Variants in AGAP1 observed in about 807,000 individuals in gnomAD.
AGAP1 encodes the protein ArfGAP with GTPase domain, ankyrin repeat and PH domain 1, also known as arf-GAP with GTPase, ANK repeat and PH domain-containing protein 1.
AGAP1 carries 29 observed loss-of-function variants against 105.3 expected under a neutral mutation model. That is an observed-to-expected ratio of 0.28 (90% confidence interval 0.21 to 0.38). The LOEUF (loss-of-function observed/expected upper bound fraction) is 0.38. Ranked by LOEUF, AGAP1 falls within the 10% of genes least tolerant of loss-of-function variation. The pLI is 1.00. For synonymous variants in AGAP1, 509 were observed against 485.9 expected, an observed-to-expected ratio of 1.05 and a Z score of -0.63; for missense variants, 998 against 1,165.1, an observed-to-expected ratio of 0.86 and a Z score of 2.09.
chr2:235,791,096 G>A (rs939808094), intron 6 of AGAP1, among the ~76,000 whole-genome samples: 2 of 152,216 alleles, frequency 1.3e-5, no homozygotes, highest in Admixed American at 6.5e-5. Context: ...ACACATTTAG[G>A]AGATGGGCTT....
intron 11 of AGAP1, among the ~76,000 whole-genome samples, chr2:235,911,490 G>A (rs1272404185): frequency 6.6e-6 from 1 of 152,248 alleles, no homozygotes; most frequent in African/African-American, 2.4e-5. Context: ...CGTTCACTAT[G>A]TAAAAGTAGG....
At position 236,014,726 on chromosome 2, in the gene AGAP1, TC is replaced by T; in HGVS notation, c.1646-21834del. ...CACGTGCTACTTTGACCTTTTTTTT[TC>T]TCCCCTTTTCATTTGTTTTCTTTTC... is the stretch of plus-strand genomic sequence containing the variant. On this transcript the variant is annotated intron_variant, in intron 13 of 17. Transcript: ENST00000304032. The surrounding 1 kb of genome is among the most constrained non-coding windows in gnomAD (Gnocchi z 6.3). 2.6e-6 allele frequency: 1 copy of T among 383,498 alleles called. No homozygotes were observed. The highest frequency in any genetic ancestry group is 5.3e-6 in the Non-Finnish European group (1 of 187,278). 23.8% of individuals were successfully genotyped at this position (383,498 alleles called of 1,614,324 possible).
rs1290039137 is a variant in AGAP1, at chr2:235,725,058, G to T, written c.310+7414G>T. On this transcript the variant is annotated intron_variant, in intron 3 of 17. Transcript: ENST00000304032. The surrounding 1 kb of genome is among the most constrained non-coding windows in gnomAD (Gnocchi z 5.7). ...CTGCACTGAGGCTGAAGGGTTCTGGGATTTTCCACTGTGTGTTTGGTTTCT... is the reference window on the plus strand; with the variant it reads ...CTGCACTGAGGCTGAAGGGTTCTGGTATTTTCCACTGTGTGTTTGGTTTCT... Among the ~76,000 whole-genome samples the T allele has an allele frequency of 1.3e-5, 2 of 152,150 alleles. No homozygotes were observed.
At chr2:236,018,527 TG>T (rs1250563419) in intron 13 of AGAP1, among the ~76,000 whole-genome samples, 13 of 152,338 alleles carry the variant, frequency 8.5e-5, no homozygotes, top group African/African-American at 3.1e-4. Flanking sequence ...CGCTGTGAGT[TG>T]GGTGAACACA....
rs1249824429 is a variant in AGAP1, at chr2:235,965,849, G to C, written c.1484-2613G>C. ...GGACAGAAGTGACGCAGTGGAGAGGGAGGAATGAGTGGAAGTGACCTGGCC... is the reference window on the plus strand; with the variant it reads ...GGACAGAAGTGACGCAGTGGAGAGGCAGGAATGAGTGGAAGTGACCTGGCC... On this transcript the variant is annotated intron_variant, in intron 12 of 17. Coordinates refer to ENST00000304032, the MANE Select transcript of AGAP1 (RefSeq NM_001037131.3). The surrounding 1 kb of genome is among the most constrained non-coding windows in gnomAD (Gnocchi z 5.8). Among the ~76,000 whole-genome samples the C allele has an allele frequency of 2.0e-5, 3 of 152,190 alleles. No homozygotes were observed. The highest frequency in any genetic ancestry group is 2.9e-5 in the Non-Finnish European group (2 of 68,030).
chr2:235,911,480 C>G (rs777125133), intron 11 of AGAP1, among the ~76,000 whole-genome samples: 1 of 152,216 alleles, frequency 6.6e-6, no homozygotes, highest in African/African-American at 2.4e-5. Flanking sequence ...TGTGAAGAAG[C>G]GTTCACTATG....
At chr2:235,907,100 C>G (rs912833937) in intron 10 of AGAP1, among the ~76,000 whole-genome samples, 2 of 152,202 alleles carry the variant, frequency 1.3e-5, no homozygotes, top group African/African-American at 4.8e-5. Context: ...GCTACCCTAC[C>G]CTGTGTCCCA....
intron 6 of AGAP1, among the ~76,000 whole-genome samples, chr2:235,770,125 CTTT>C (rs1955309462): frequency 9.0e-6 from 1 of 110,584 alleles, no homozygotes; most frequent in South Asian, 2.5e-4. Flanking sequence ...TTTTTTCTTT[CTTT>C]GTTTCTTTTT....
At position 235,555,660 on chromosome 2, in the gene AGAP1, G is replaced by A. The variant is rs1378063200; in HGVS notation, c.163+60811G>A. ...CAGATTCCTTTTGGCAGAATATAAG[G>A]AAGTTGGCCCAAACCACATTTTTGA... On this transcript the variant is annotated intron_variant, in intron 1 of 17. Transcript: ENST00000304032. The surrounding 1 kb of genome is among the most constrained non-coding windows in gnomAD (Gnocchi z 5.1). Among the ~76,000 whole-genome samples the A allele has an allele frequency of 1.3e-5, 2 of 152,226 alleles. No homozygotes were observed. The highest frequency in any genetic ancestry group is 4.8e-5 in the African/African-American group (2 of 41,466).
rs377124022 is a variant in AGAP1, at chr2:235,888,977, G to A, written c.1155+5528G>A. Among the ~76,000 whole-genome samples the A allele has an allele frequency of 1.3e-5, 2 of 152,170 alleles. No homozygotes were observed. Among genetic ancestry groups the A allele is most frequent in the Admixed American group, 6.5e-5 (1 of 15,274 alleles). ...GGGTTTTTCAATGTCTTCATTAGATGCCCTTAGGAAAAGATCTCCCTGAAG... is the reference window on the plus strand; with the variant it reads ...GGGTTTTTCAATGTCTTCATTAGATACCCTTAGGAAAAGATCTCCCTGAAG... On this transcript the variant is annotated intron_variant, in intron 10 of 17. Coordinates refer to ENST00000304032, the MANE Select transcript of AGAP1 (RefSeq NM_001037131.3). The surrounding 1 kb of genome is among the most constrained non-coding windows in gnomAD (Gnocchi z 4.8).
At chr2:235,945,490 A>G (rs1446056649) in intron 12 of AGAP1, among the ~76,000 whole-genome samples, 2 of 152,250 alleles carry the variant, frequency 1.3e-5, no homozygotes, top group African/African-American at 4.8e-5. Flanking sequence ...CACATGTTTC[A>G]GCCTGTTTCT....
At position 235,505,551 on chromosome 2, in the gene AGAP1, G is replaced by A. The variant is rs79017686; in HGVS notation, c.163+10702G>A. Among the ~76,000 whole-genome samples, 1,361 of 152,310 alleles carry A rather than the reference G, an allele frequency of 8.9e-3. 21 individuals carry two copies. Among genetic ancestry groups the A allele is most frequent in the East Asian group, 0.065 (339 of 5,176 alleles). On this transcript the variant is annotated intron_variant, in intron 1 of 17. Coordinates refer to ENST00000304032, the MANE Select transcript of AGAP1 (RefSeq NM_001037131.3). ...TTATCAAGCCTCTGCACTGGGCAGA[G>A]CGCAGTTTTTGAAGCTGGGAGAACA...
chr2:235,569,040 G>A lies in AGAP1; in HGVS notation c.163+74191G>A, dbSNP rs1329960504. Among the ~76,000 whole-genome samples, 9 of 152,332 alleles carry A rather than the reference G, an allele frequency of 5.9e-5. No homozygotes were observed. In the East Asian group the frequency reaches 1.5e-3, roughly 26 times the overall value. On this transcript the variant is annotated intron_variant, in intron 1 of 17. Coordinates refer to ENST00000304032, the MANE Select transcript of AGAP1 (RefSeq NM_001037131.3). The surrounding 1 kb of genome is among the most constrained non-coding windows in gnomAD (Gnocchi z 5.9). ...TTTTGCCATATAAGGATATGGCAGC[G>A]TATTCATAGGTTCTGGGTGTTGGGA... is the stretch of plus-strand genomic sequence containing the variant.
chr2:235,975,591 C>T (rs879695533), intron 13 of AGAP1, among the ~76,000 whole-genome samples: 6 of 152,128 alleles, frequency 3.9e-5, no homozygotes, highest in South Asian at 2.1e-4. Context: ...GTGCACATGA[C>T]GGTGAGCACA....
chr2:235,962,299 C>T lies in AGAP1; in HGVS notation c.1484-6163C>T, dbSNP rs79522913. Among the ~76,000 whole-genome samples, 1 of 152,128 alleles carries T rather than the reference C, an allele frequency of 6.6e-6. No individual in the cohort carries two copies. Among genetic ancestry groups the T allele is most frequent in the Non-Finnish European group, 1.5e-5 (1 of 67,994 alleles). ...TGGCACCACCCTCTCCCAGCCCTGG[C>T]CCATGACGGTGCTGAGCAGGTGGAG... On this transcript the variant is annotated intron_variant, in intron 12 of 17. Transcript: ENST00000304032. The surrounding 1 kb of genome is among the most constrained non-coding windows in gnomAD (Gnocchi z 5.3).
chr2:236,080,694 G>A lies in AGAP1; in HGVS notation c.2114+31413G>A, dbSNP rs2058758388. Among the ~76,000 whole-genome samples the A allele has an allele frequency of 6.6e-6, 1 of 152,174 alleles. No homozygotes were observed. The highest frequency in any genetic ancestry group is 2.1e-4 in the South Asian group (1 of 4,822). ...GGAAGTATTCCATTACAGTTCTGGA[G>A]GTCAGAAGTCCAAGCTGGGTCTGCA... On this transcript the variant is annotated intron_variant, in intron 16 of 17. Coordinates refer to ENST00000304032, the MANE Select transcript of AGAP1 (RefSeq NM_001037131.3). This position sits in a 1 kb window ranked among gnomAD's most constrained non-coding sequence, Gnocchi z 4.2.
chr2:235,887,601 G>A lies in AGAP1; in HGVS notation c.1155+4152G>A, dbSNP rs766951612. 1.2e-4 allele frequency among the ~76,000 whole-genome samples: 18 copies of A among 152,330 alleles called. No individual in the cohort carries two copies. Among genetic ancestry groups the A allele is most frequent in the Middle Eastern group, 3.4e-3 (1 of 294 alleles). ...CCCAGGTTCCAACACAAGAGCCCCC[G>A]GAGCAGGGGCCTGCATTGATCTCAT... On this transcript the variant is annotated intron_variant, in intron 10 of 17. Transcript: ENST00000304032. The surrounding 1 kb of genome is among the most constrained non-coding windows in gnomAD (Gnocchi z 4.1).
At chr2:236,067,024 AT>A (rs34092115) in intron 16 of AGAP1, among the ~76,000 whole-genome samples, 87,273 of 149,456 alleles carry the variant, frequency 0.58, 27,280 homozygotes, top group South Asian at 0.74. Flanking sequence ...TCACCAACCA[AT>A]TTTTTTTTTT....
rs2050647945 is a variant in AGAP1 at position 235,893,474 on chromosome 2, CCAT to C, written c.1155+10029_1155+10031del. Among the ~76,000 whole-genome samples, 1 of 149,054 alleles carries C rather than the reference CCAT, an allele frequency of 6.7e-6. No homozygotes were observed. Among genetic ancestry groups the C allele is most frequent in the Non-Finnish European group, 1.5e-5 (1 of 67,420 alleles). Reference sequence around the variant, plus strand: ...TGTCTGTGGTGCGGGTGCACCATGTCCATCATAAGGGTGAGCCATGTTTGTGGC... The same window carrying C: ...TGTCTGTGGTGCGGGTGCACCATGTCCATAAGGGTGAGCCATGTTTGTGGC... On this transcript the variant is annotated intron_variant, in intron 10 of 17. Transcript: ENST00000304032. This position sits in a 1 kb window ranked among gnomAD's most constrained non-coding sequence, Gnocchi z 4.7.
Sources: gnomAD v4.1 joint callset for allele counts (sites outside exome capture counted in the v4.1 genomes callset) on GRCh38, gnomAD v4.1.1 for gene constraint, Gnocchi (gnomAD v3.1) non-coding constraint, MANE v1.5 for transcripts, NCBI Gene and HGNC (gene_info 2026-07-23, HGNC 2026-07-21) for gene names.